Variants in GUSB observed in about 807,000 individuals in gnomAD.
The protein encoded by GUSB is beta-glucuronidase.
A neutral mutation model predicts 74.6 loss-of-function variants in GUSB; 51 were observed. The ratio of observed to expected loss-of-function variants is 0.68; its 90% CI spans 0.55 to 0.86. GUSB has a LOEUF of 0.86. Among genes scored for constraint, GUSB ranks in the 40% least tolerant of loss-of-function variants. GUSB has a pLI of 0.00. For missense variants in GUSB, 736 were observed against 853.7 expected, an observed-to-expected ratio of 0.86 and a Z score of 1.72; for synonymous variants, 360 against 348.3, an observed-to-expected ratio of 1.03 and a Z score of -0.37.
chr7:65,963,401 T>C (rs1407501496), intron 11 of GUSB, among the ~76,000 whole-genome samples: 1 of 152,176 alleles, frequency 6.6e-6, no homozygotes, highest in Non-Finnish European at 1.5e-5. Flanking sequence ...ATTCCCACCA[T>C]TACCACATGC....
chr7:65,980,490 G>A, intron 1 of GUSB, 81 bp from the exon 2 acceptor site: 4 of 1,290,626 alleles, frequency 3.1e-6, no homozygotes, highest in Non-Finnish European at 4.4e-6. Flanking sequence ...GTGCCCCCAG[G>A]CCTAGCACAA....
Position 65,974,336 on chromosome 7 carries a change from G to A in GUSB, c.1350C>T (p.Asn450=), listed in dbSNP as rs376567545. Residue 450 remains asparagine (N), a synonymous_variant, in exon 8 of 12, where the codon AAC becomes AAT. Transcript: ENST00000304895. ...CAGATTCTAGGTGGGACGCAGGCTC[G>A]TTGGCCACAGACCACATCACGACCG... The part of the protein sequence containing the change: ...HPAVVMWSVA[N]EPASHLESAG... 1.9e-5 allele frequency: 30 copies of A among 1,614,146 alleles called. No homozygotes were observed. The highest frequency in any genetic ancestry group is 5.0e-5 in the Admixed American group (3 of 60,014).
chr7:65,974,570 C>T lies in GUSB; in HGVS notation c.1200G>A (p.Gly400=), dbSNP rs1212998251. ...EEVMQMCDRY[G]IVVIDECPGV... is the part of the protein sequence containing the mutation. The stretch of plus-strand genomic sequence containing the variant: ...CGGGACACTCATCGATGACCACAAT[C>T]CCATAGCGGTCACACATCTGCATCA... Residue 400 remains glycine, a synonymous_variant, in exon 7 of 12, where the codon GGG becomes GGA. Transcript: ENST00000304895. The T allele has an allele frequency of 6.2e-7, 1 of 1,614,048 alleles. No homozygotes were observed. The highest frequency in any genetic ancestry group is 1.3e-5 in the African/African-American group (1 of 74,948).
intron 10 of GUSB, among the ~76,000 whole-genome samples, chr7:65,966,609 T>TC: frequency 6.6e-6 from 1 of 151,594 alleles, no homozygotes; most frequent in Non-Finnish European, 1.5e-5. Flanking sequence ...CCTGATAGAC[T>TC]CCATCTTTAC....
intron 11 of GUSB, among the ~76,000 whole-genome samples, chr7:65,962,846 T>C (rs954004638): frequency 6.6e-6 from 1 of 150,394 alleles, no homozygotes; most frequent in Admixed American, 6.7e-5. Context: ...CACTCCAGCC[T>C]GGGAAACGAG....
chr7:65,976,265 G>A, intron 4 of GUSB, 63 bp from the exon 5 acceptor site: 1 of 1,125,410 alleles, frequency 8.9e-7, no homozygotes, highest in Non-Finnish European at 1.3e-6. Context: ...ACAAACAGGA[G>A]CGCCCTGCAG....
intron 11 of GUSB, among the ~76,000 whole-genome samples, 187 bp from the exon 12 acceptor site, chr7:65,961,250 G>A (rs905118747): frequency 4.6e-5 from 7 of 151,938 alleles, no homozygotes; most frequent in African/African-American, 1.7e-4. Flanking sequence ...CTGGGCTCAG[G>A]CAATCCTCCT....
rs764393614 is a variant in GUSB at position 65,979,466 on chromosome 7, A to G, written c.657T>C (p.Leu219=). The G allele has an allele frequency of 6.2e-7, 1 of 1,613,700 alleles. No homozygotes were observed. Among genetic ancestry groups the G allele is most frequent in the Non-Finnish European group, 8.5e-7 (1 of 1,179,686 alleles). ...FNYAGLQRSV[L]LYTTPTTYID... ...TGTAGGTGGTGGGTGTCGTGTACAG[A>G]AGTACAGACCGCTGCAGTCCAGCGT... Residue 219 remains leucine (L), a synonymous_variant, in exon 4 of 12, where the codon CTT becomes CTC. Coordinates refer to ENST00000304895, the MANE Select transcript of GUSB (RefSeq NM_000181.4).
At chr7:65,973,535 C>T (rs554152769) in intron 8 of GUSB, among the ~76,000 whole-genome samples, 3 of 152,072 alleles carry the variant, frequency 2.0e-5, no homozygotes, top group South Asian at 2.1e-4. Flanking sequence ...TGCAGTGAGA[C>T]GAGATTGCGC....
At chr7:65,978,800 C>T (rs1791777424) in intron 4 of GUSB, among the ~76,000 whole-genome samples, 1 of 151,922 alleles carries the variant, frequency 6.6e-6, no homozygotes, top group East Asian at 1.9e-4. Context: ...AAAAGAAAGA[C>T]AGGGTCTGCG....
Position 65,980,255 on chromosome 7 carries a change from C to T in GUSB, c.365G>A (p.Arg122Lys), listed in dbSNP as rs773416756. The change falls in exon 2 of 12, where the codon AGG becomes AAG. Residue 122 changes from arginine (R) to lysine (K), a missense_variant. Physicochemically the swap from Arg to Lys is conservative, Grantham distance 26. Coordinates refer to ENST00000304895, the MANE Select transcript of GUSB (RefSeq NM_000181.4). ...TQDLRTRVVL[R>K]IGSAHSYAIV... Reference sequence around the variant, plus strand: ...GGCATAGGAATGGGCACTGCCAATCCTCAGCACCACTCTTGTGCGCAGGTC... The same window carrying T: ...GGCATAGGAATGGGCACTGCCAATCTTCAGCACCACTCTTGTGCGCAGGTC... 1 of 1,603,518 alleles carries T rather than the reference C, an allele frequency of 6.2e-7. No individual in the cohort carries two copies. Among genetic ancestry groups the T allele is most frequent in the Non-Finnish European group, 8.5e-7 (1 of 1,173,566 alleles).
chr7:65,977,565 T>C (rs180764417), intron 4 of GUSB, among the ~76,000 whole-genome samples: 1 of 152,044 alleles, frequency 6.6e-6, no homozygotes, highest in Non-Finnish European at 1.5e-5. Flanking sequence ...TATTTATTTA[T>C]TTTTTTCTTA....
At chr7:65,978,040 G>A (rs1180070358) in intron 4 of GUSB, among the ~76,000 whole-genome samples, 1 of 151,788 alleles carries the variant, frequency 6.6e-6, no homozygotes, top group Non-Finnish European at 1.5e-5. Flanking sequence ...GCGATCTCCT[G>A]ACCTCGTGAT....
At chr7:65,975,111 C>T in intron 5 of GUSB, 40 bp from the exon 6 acceptor site, 1 of 1,604,940 alleles carries the variant, frequency 6.2e-7, no homozygotes, top group East Asian at 2.2e-5. Flanking sequence ...ACCCCGACAG[C>T]CTGAGCCCCA....
At chr7:65,981,526 C>G (rs1178570370) in intron 1 of GUSB, among the ~76,000 whole-genome samples, 1 of 151,210 alleles carries the variant, frequency 6.6e-6, no homozygotes, top group Non-Finnish European at 1.5e-5. Flanking sequence ...TGTGAGCCAC[C>G]GAGCCCAGAT....
chr7:65,968,248 A>C (rs1790969158), intron 9 of GUSB, among the ~76,000 whole-genome samples: 1 of 151,488 alleles, frequency 6.6e-6, no homozygotes, highest in Admixed American at 6.6e-5. Flanking sequence ...AAAAAAAAAA[A>C]AAACCTAGAA....
chr7:65,979,592 C>T, intron 3 of GUSB, 51 bp from the exon 4 acceptor site: 1 of 1,610,916 alleles, frequency 6.2e-7, no homozygotes, highest in Non-Finnish European at 8.5e-7. Flanking sequence ...GGTCCCCTGA[C>T]CTCAGCTCAC....
chr7:65,974,496 A>C lies in GUSB; in HGVS notation c.1244+30T>G, dbSNP rs371232407. 6 of 1,614,096 alleles carry C rather than the reference A, an allele frequency of 3.7e-6. 1 individual carries two copies. Among genetic ancestry groups the C allele is most frequent in the Non-Finnish European group, 5.1e-6 (6 of 1,180,028 alleles). ...TCACGGTGACGCCCCCGGGCTGGGCAGGCGGAGCAGGTGCACAGCAGAGAC... is the reference window on the plus strand; with the variant it reads ...TCACGGTGACGCCCCCGGGCTGGGCCGGCGGAGCAGGTGCACAGCAGAGAC... On this transcript the variant is annotated intron_variant, in intron 7 of 11. Transcript: ENST00000304895.
intron 8 of GUSB, among the ~76,000 whole-genome samples, chr7:65,972,017 C>A (rs1791245346): frequency 1.3e-5 from 2 of 151,972 alleles, no homozygotes; most frequent in Non-Finnish European, 2.9e-5. Context: ...CCAGCCTGGG[C>A]AACAAGTGCA....
Sources: gnomAD v4.1 joint callset for allele counts (sites outside exome capture counted in the v4.1 genomes callset) on GRCh38, gnomAD v4.1.1 for gene constraint, MANE v1.5 for transcripts, NCBI Gene and HGNC (gene_info 2026-07-23, HGNC 2026-07-21) for gene names.